The following FUT9 variants were observed in gnomAD, a reference collection of about 807,000 sequenced individuals.
The protein encoded by FUT9 is 4-galactosyl-N-acetylglucosaminide 3-alpha-L-fucosyltransferase 9.
Under a neutral mutation model 29.7 loss-of-function variants are expected in FUT9, and 15 were observed. That is an observed-to-expected ratio of 0.51 (90% CI 0.34 to 0.78). The LOEUF (loss-of-function observed/expected upper bound fraction) is 0.78. Ranked by LOEUF, FUT9 falls within the 30% of genes least tolerant of loss-of-function variation. FUT9 has a pLI of 0.01. For synonymous variants in FUT9, 169 were observed against 153.7 expected, an observed-to-expected ratio of 1.10 and a Z score of -0.74; for missense variants, 319 against 425.4, an observed-to-expected ratio of 0.75 and a Z score of 2.20.
intron 2 of FUT9, among the ~76,000 whole-genome samples, chr6:96,155,933 C>A (rs1429544899): frequency 1.3e-5 from 2 of 152,162 alleles, no homozygotes; most frequent in Non-Finnish European, 2.9e-5. Flanking sequence ...CCCTAGCAAA[C>A]TAATACAGAA....
intron 1 of FUT9, among the ~76,000 whole-genome samples, chr6:96,089,236 A>C (rs2127953290): frequency 6.6e-6 from 1 of 152,252 alleles, no homozygotes; most frequent in Middle Eastern, 3.4e-3. Flanking sequence ...AGCCAAGGAG[A>C]TTCTTCTGCA....
chr6:96,202,247 G>A (rs1026296141), intron 2 of FUT9, among the ~76,000 whole-genome samples: 1 of 151,784 alleles, frequency 6.6e-6, no homozygotes, highest in Non-Finnish European at 1.5e-5. Context: ...CATCTTTTTA[G>A]CCACAATCTG....
At chr6:96,164,214 G>A (rs899478487) in intron 2 of FUT9, among the ~76,000 whole-genome samples, 1 of 144,208 alleles carries the variant, frequency 6.9e-6, no homozygotes, top group Non-Finnish European at 1.5e-5. Context: ...ATAGAAGGGA[G>A]TTTCTGGGTT....
intron 2 of FUT9, among the ~76,000 whole-genome samples, chr6:96,181,566 T>G (rs1773308023): frequency 1.2e-5 from 1 of 85,374 alleles, no homozygotes; most frequent in South Asian, 4.8e-4. Flanking sequence ...GCACCCTATT[T>G]GTAGTCTTTT....
chr6:96,027,201 A>T (rs1770183305), intron 1 of FUT9, among the ~76,000 whole-genome samples: 1 of 151,600 alleles, frequency 6.6e-6, no homozygotes, highest in African/African-American at 2.4e-5. Context: ...TATCGCTTTT[A>T]TACTTTTAGA....
Position 96,207,434 on chromosome 6 carries a change from T to C in FUT9, c.*3199T>C, listed in dbSNP as rs1773853631. The stretch of plus-strand genomic sequence containing the variant: ...ACACCTCATGTAGAAGAACTTCGAC[T>C]TTTGAAGGTATACAATAAATAAAAC... On this transcript the variant is annotated 3_prime_UTR_variant, in exon 3 of 3. Coordinates refer to ENST00000302103, the MANE Select transcript of FUT9 (RefSeq NM_006581.4). 1 of 167,084 alleles carries C rather than the reference T, an allele frequency of 6.0e-6. No homozygotes were observed. The highest frequency in any genetic ancestry group is 2.1e-4 in the South Asian group (1 of 4,830). 10.4% of individuals were successfully genotyped at this position (167,084 alleles called of 1,614,324 possible).
In FUT9 at chr6:96,174,162, TA is replaced by T. The variant is rs568486646; in HGVS notation, c.-8-28983del. Among the ~76,000 whole-genome samples, 26 of 152,264 alleles carry T rather than the reference TA, an allele frequency of 1.7e-4. No individual in the cohort carries two copies. The East Asian group carries it at 4.1e-3, about 24-fold the overall frequency. ...CTTTAGAAATTCACAAGCAACACTT[TA>T]AAGAGATGTGATTAAATAAATACAA... On this transcript the variant is annotated intron_variant, in intron 2 of 2. Coordinates refer to ENST00000302103, the MANE Select transcript of FUT9 (RefSeq NM_006581.4).
intron 2 of FUT9, among the ~76,000 whole-genome samples, chr6:96,142,327 A>G (rs1453075058): frequency 1.3e-5 from 2 of 151,550 alleles, no homozygotes; most frequent in South Asian, 2.1e-4. Context: ...CTATAAATGG[A>G]AAAAAAAATG....
chr6:96,169,081 T>C (rs1269844365), intron 2 of FUT9, among the ~76,000 whole-genome samples: 1 of 152,176 alleles, frequency 6.6e-6, no homozygotes, highest in African/African-American at 2.4e-5. Flanking sequence ...GCCCAGCAAC[T>C]GGGGAAACCA....
intron 2 of FUT9, among the ~76,000 whole-genome samples, chr6:96,124,156 T>C (rs1440952193): frequency 6.8e-6 from 1 of 147,070 alleles, no homozygotes; most frequent in African/African-American, 2.5e-5. Context: ...CTTTTTTCTT[T>C]TTTTTTTTTT....
chr6:96,212,639 A>C lies in FUT9; in HGVS notation c.*8404A>C. 3.4e-6 allele frequency: 1 copy of C among 290,652 alleles called. No homozygotes were observed. Among genetic ancestry groups the C allele is most frequent in the Non-Finnish European group, 6.7e-6 (1 of 149,644 alleles). 18.0% of individuals were successfully genotyped at this position (290,652 alleles called of 1,614,324 possible). On this transcript the variant is annotated 3_prime_UTR_variant, in exon 3 of 3. Transcript: ENST00000302103. ...AAAAGGTAAATAATGTATGAGATGA[A>C]GGTAGGAAGTAATGTGTGCTTGCAG...
At chr6:96,125,822 C>T (rs1419820456) in intron 2 of FUT9, among the ~76,000 whole-genome samples, 1 of 152,192 alleles carries the variant, frequency 6.6e-6, no homozygotes, top group East Asian at 1.9e-4. Flanking sequence ...CTCCTAAAAG[C>T]ATTTTAGAGC....
intron 2 of FUT9, among the ~76,000 whole-genome samples, chr6:96,167,266 A>G (rs972682423): frequency 7.2e-5 from 11 of 152,222 alleles, no homozygotes; most frequent in Non-Finnish European, 1.0e-4. Context: ...ATTGAAAATA[A>G]TAATAAAGAT....
chr6:96,170,996 T>C (rs193048137), intron 2 of FUT9, among the ~76,000 whole-genome samples: 1 of 152,306 alleles, frequency 6.6e-6, no homozygotes, highest in East Asian at 1.9e-4. Context: ...GTTTCAGCTG[T>C]AGTACTTTTG....
chr6:96,094,487 G>A (rs1343196390), intron 1 of FUT9, among the ~76,000 whole-genome samples: 1 of 152,134 alleles, frequency 6.6e-6, no homozygotes, highest in Non-Finnish European at 1.5e-5. Context: ...ATCGTATGCT[G>A]AGGTTGCAAC....
intron 1 of FUT9, among the ~76,000 whole-genome samples, chr6:96,102,420 T>C (rs1771603734): frequency 6.6e-6 from 1 of 152,196 alleles, no homozygotes; most frequent in Non-Finnish European, 1.5e-5. Flanking sequence ...TTCTAATTCT[T>C]ACTTCCTTTT....
intron 2 of FUT9, among the ~76,000 whole-genome samples, chr6:96,130,472 A>G (rs1248170706): frequency 6.6e-6 from 1 of 152,130 alleles, no homozygotes; most frequent in Non-Finnish European, 1.5e-5. Flanking sequence ...TAAAAATTAA[A>G]TTAACTCCCA....
chr6:96,160,435 T>C (rs1772875838), intron 2 of FUT9, among the ~76,000 whole-genome samples: 1 of 152,206 alleles, frequency 6.6e-6, no homozygotes, highest in African/African-American at 2.4e-5. Flanking sequence ...AAAGACTTGC[T>C]TTACCTGATT....
At chr6:96,095,957 A>G (rs960690459) in intron 1 of FUT9, among the ~76,000 whole-genome samples, 5 of 152,178 alleles carry the variant, frequency 3.3e-5, no homozygotes, top group Non-Finnish European at 7.4e-5. Context: ...TGTAAAGAGC[A>G]TAATGTCCAG....
Sources: gnomAD v4.1 joint callset for allele counts (sites outside exome capture counted in the v4.1 genomes callset) on GRCh38, gnomAD v4.1.1 for gene constraint, MANE v1.5 for transcripts, NCBI Gene and HGNC (gene_info 2026-07-23, HGNC 2026-07-21) for gene names.